The following GRAP2 variants were observed in gnomAD, a reference collection of about 807,000 sequenced individuals.
The protein encoded by GRAP2 is GRB2-related adapter protein 2.
Under a neutral mutation model 43.5 loss-of-function variants are expected in GRAP2, and 31 were observed. That is an observed-to-expected ratio of 0.71 (90% CI 0.54 to 0.96). The LOEUF is 0.96. Among genes scored for constraint, GRAP2 ranks in the 40% least tolerant of loss-of-function variants. The probability of loss-of-function intolerance (pLI) is 0.00; values close to 1 mark genes in which losing one functional copy is unlikely to be tolerated. For synonymous variants in GRAP2, 156 were observed against 164.8 expected (o/e 0.95, Z 0.41); for missense variants, 371 against 424.4 (o/e 0.87, Z 1.11).
At chr22:39,913,851 AGCT>A in intron 1 of GRAP2, among the ~76,000 whole-genome samples, 1 of 152,146 alleles carries the variant, frequency 6.6e-6, no homozygotes, top group Non-Finnish European at 1.5e-5. Flanking sequence ...TCGAAGTCAC[AGCT>A]TCTTCCCCAT....
chr22:39,934,606 C>G (rs1053284684), intron 1 of GRAP2, among the ~76,000 whole-genome samples: 15 of 152,208 alleles, frequency 9.9e-5, no homozygotes, highest in Admixed American at 6.5e-4. Flanking sequence ...AATGTGAAGC[C>G]CTGCATTTTG....
intron 3 of GRAP2, among the ~76,000 whole-genome samples, chr22:39,958,268 A>C (rs2067079884): frequency 6.6e-6 from 1 of 152,068 alleles, no homozygotes; most frequent in Non-Finnish European, 1.5e-5. Context: ...CTATAGGTTT[A>C]GAATGTCTCC....
At chr22:39,954,898 G>A (rs927272464) in intron 2 of GRAP2, among the ~76,000 whole-genome samples, 24 of 152,148 alleles carry the variant, frequency 1.6e-4, no homozygotes, top group Admixed American at 7.2e-4. Context: ...TTTGGGATCT[G>A]GCTTTAAAAG....
Position 39,960,170 on chromosome 22 carries a change from G to T in GRAP2, c.286G>T (p.Val96Phe). ...QSSPGDFSIS[V>F]RHEDDVQHFK... is the part of the protein sequence containing the mutation. The stretch of plus-strand genomic sequence containing the variant: ...CTCCCCAGGGGACTTCTCCATCTCT[G>T]TCAGGTACTGACCATTCCTGACACT... Residue 96 changes from valine to phenylalanine, a missense_variant, in exon 4 of 8, where the codon GTC becomes TTC. Coordinates refer to ENST00000344138, the MANE Select transcript of GRAP2 (RefSeq NM_004810.4). 6.2e-7 allele frequency: 1 copy of T among 1,613,822 alleles called. No homozygotes were observed. The highest frequency in any genetic ancestry group is 1.3e-5 in the African/African-American group (1 of 75,036).
upstream of GRAP2, among the ~76,000 whole-genome samples, chr22:39,896,842 T>G (rs974952211): frequency 6.6e-6 from 1 of 152,334 alleles, no homozygotes; most frequent in Middle Eastern, 3.4e-3. Context: ...AATATTGCTC[T>G]ATGGTAGCTT....
At chr22:39,966,685 C>A (rs2067177967) in intron 5 of GRAP2, among the ~76,000 whole-genome samples, 1 of 152,134 alleles carries the variant, frequency 6.6e-6, no homozygotes, top group Non-Finnish European at 1.5e-5. Flanking sequence ...GAGAAAACTG[C>A]ACTTGGAATT....
At chr22:39,904,984 T>C (rs746294055) in intron 1 of GRAP2, among the ~76,000 whole-genome samples, 2 of 152,196 alleles carry the variant, frequency 1.3e-5, no homozygotes, top group African/African-American at 2.4e-5. Flanking sequence ...AAGGTGCCAC[T>C]GGGTGCTCCA....
At chr22:39,964,097 G>A (rs2067146265) in intron 4 of GRAP2, 8 of 346,884 alleles carry the variant, frequency 2.3e-5, no homozygotes, top group Admixed American at 1.3e-4. Context: ...TTTACATCAG[G>A]CAATTGGCAT....
At chr22:39,911,341 A>G (rs1020392515) in intron 1 of GRAP2, among the ~76,000 whole-genome samples, 2 of 152,120 alleles carry the variant, frequency 1.3e-5, no homozygotes, top group African/African-American at 2.4e-5. Flanking sequence ...GCCATAAAGC[A>G]TATCTGCAAG....
intron 1 of GRAP2, among the ~76,000 whole-genome samples, chr22:39,910,728 T>TA (rs1487203247): frequency 1.3e-5 from 2 of 149,726 alleles, no homozygotes; most frequent in Admixed American, 6.6e-5. Flanking sequence ...ATTCTGTACT[T>TA]ACACTGTTGA....
intron 1 of GRAP2, among the ~76,000 whole-genome samples, chr22:39,906,725 G>A (rs1340944037): frequency 6.6e-6 from 1 of 152,092 alleles, no homozygotes; most frequent in African/African-American, 2.4e-5. Flanking sequence ...AGAACCACGG[G>A]CTTAATGTGT....
intron 1 of GRAP2, among the ~76,000 whole-genome samples, chr22:39,946,001 C>T (rs2066918528): frequency 6.6e-6 from 1 of 152,204 alleles, no homozygotes; most frequent in Admixed American, 6.5e-5. Context: ...GCTGGGATTA[C>T]AGGCACGTGC....
At chr22:39,895,818 C>T in the GRAP2 span, among the ~76,000 whole-genome samples, 1 of 152,114 alleles carries the variant, frequency 6.6e-6, no homozygotes, top group Admixed American at 6.5e-5. Flanking sequence ...TAAAGGCAAA[C>T]AATGTTACGG....
chr22:39,966,250 G>T (rs1368789530), intron 5 of GRAP2, 92 bp downstream of exon 5: 7 of 921,332 alleles, frequency 7.6e-6, no homozygotes, highest in Non-Finnish European at 1.0e-5. Flanking sequence ...AGGATGGGTA[G>T]ATCCTCTGAG....
At chr22:39,969,038 T>TA (rs113091095) in intron 6 of GRAP2, among the ~76,000 whole-genome samples, 145 of 152,322 alleles carry the variant, frequency 9.5e-4, no homozygotes, top group African/African-American at 3.4e-3. Context: ...CCCGGGCAGA[T>TA]ACAGACATTT....
chr22:39,948,294 T>C (rs1178050555), intron 2 of GRAP2: 2 of 152,122 alleles, frequency 1.3e-5, no homozygotes, highest in East Asian at 3.9e-4. Context: ...AAATATGAGT[T>C]GGGCCTCCTG....
At chr22:39,939,168 T>C (rs998663877) in intron 1 of GRAP2, among the ~76,000 whole-genome samples, 2 of 152,198 alleles carry the variant, frequency 1.3e-5, no homozygotes, top group Admixed American at 1.3e-4. Context: ...TTGGATGCAG[T>C]AAAGCCAGAA....
At chr22:39,967,750 A>G (rs908261585) in intron 5 of GRAP2, among the ~76,000 whole-genome samples, 1 of 152,222 alleles carries the variant, frequency 6.6e-6, no homozygotes, top group Admixed American at 6.5e-5. Context: ...CAGCTTGATT[A>G]CACAGAGAAA....
At chr22:39,918,655 G>A (rs918203259) in intron 1 of GRAP2, among the ~76,000 whole-genome samples, 2 of 152,056 alleles carry the variant, frequency 1.3e-5, no homozygotes, top group African/African-American at 4.8e-5. Flanking sequence ...CCCAAACAAG[G>A]AACAAAAAGG....
Sources: allele counts gnomAD v4.1 joint callset (sites outside exome capture counted in the v4.1 genomes callset), GRCh38; gene constraint gnomAD v4.1.1; transcripts MANE v1.5; gene names NCBI Gene and HGNC (gene_info 2026-07-23, HGNC 2026-07-21).